The following CNOT1 variants were observed in gnomAD, a reference collection of about 807,000 sequenced individuals.
CNOT1 encodes CCR4-associated factor 1.
Under a neutral mutation model 273.8 loss-of-function variants are expected in CNOT1, and 15 were observed. The ratio of observed to expected loss-of-function variants is 0.05; its 90% CI spans 0.04 to 0.08. The LOEUF is 0.08. Among genes scored for constraint, CNOT1 ranks in the 10% least tolerant of loss-of-function variants. The pLI, the probability that CNOT1 is intolerant of heterozygous loss-of-function variation, is 1.00. For synonymous variants in CNOT1, 1,022 were observed against 1,005.5 expected (o/e 1.02, Z -0.31); for missense variants, 1,644 against 2,912.2 (o/e 0.56, Z 10.02).
chr16:58,611,695 T>A (rs2042906404), intron 1 of CNOT1, among the ~76,000 whole-genome samples: 1 of 147,920 alleles, frequency 6.8e-6, no homozygotes, highest in African/African-American at 2.5e-5. Context: ...GTGGCAGGCA[T>A]CTGCAGTCCC....
At chr16:58,539,466 T>TAA (rs151273299) in intron 35 of CNOT1, among the ~76,000 whole-genome samples, 1 of 145,578 alleles carries the variant, frequency 6.9e-6, no homozygotes, top group African/African-American at 2.5e-5. Flanking sequence ...CCCTGTCTCT[T>TAA]ACACACACAC....
At chr16:58,564,944 T>C (rs1038996719) in intron 16 of CNOT1, among the ~76,000 whole-genome samples, 2 of 152,012 alleles carry the variant, frequency 1.3e-5, no homozygotes, top group Admixed American at 1.3e-4. Flanking sequence ...CTCAAAAAAA[T>C]AAATAAATAA....
intron 34 of CNOT1, among the ~76,000 whole-genome samples, chr16:58,540,999 G>GT (rs1006295831): frequency 6.6e-6 from 1 of 152,316 alleles, no homozygotes; most frequent in South Asian, 2.1e-4. Flanking sequence ...GAGGTCAGCA[G>GT]TTTGAGTCTA....
chr16:58,543,138 A>T, intron 31 of CNOT1: 1 of 1,353,720 alleles, frequency 7.4e-7, no homozygotes, highest in East Asian at 3.3e-5. Context: ...AAAAATCATT[A>T]AAGCAGTAAA....
intron 1 of CNOT1, among the ~76,000 whole-genome samples, chr16:58,609,124 A>G (rs2042795523): frequency 6.6e-6 from 1 of 152,232 alleles, no homozygotes; most frequent in African/African-American, 2.4e-5. Context: ...CTGTAATCCC[A>G]GCACTTGGGG....
chr16:58,521,325 AAGGG>A lies in CNOT1; in HGVS notation c.6918-12_6918-9del, dbSNP rs773477847. 6.3e-6 allele frequency: 10 copies of A among 1,595,212 alleles called. No individual in the cohort carries two copies. Among genetic ancestry groups the A allele is most frequent in the African/African-American group, 1.4e-5 (1 of 73,476 alleles). ...AACCGTTCCAAGAGAACTCTGGAAA[AAGGG>A]AGAAAGAGCTAGTTAATGTATAGAA... is the stretch of plus-strand genomic sequence containing the variant. On this transcript the variant is annotated splice_polypyrimidine_tract_variant and intron_variant, in intron 47 of 48. Coordinates refer to ENST00000317147, the MANE Select transcript of CNOT1 (RefSeq NM_016284.5).
Position 58,578,692 on chromosome 16 carries a change from A to T in CNOT1, c.1584+7T>A. On this transcript the variant is annotated splice_region_variant and intron_variant, in intron 13 of 48. Coordinates refer to ENST00000317147, the MANE Select transcript of CNOT1 (RefSeq NM_016284.5). ...GAAAAAATGGTAAGCACACGGTCAC[A>T]TCTTACCTGCCCATGCCATGCATAG... 1.2e-6 allele frequency: 2 copies of T among 1,613,808 alleles called. No homozygotes were observed. The highest frequency in any genetic ancestry group is 1.7e-6 in the Non-Finnish European group (2 of 1,179,796).
chr16:58,599,593 T>C (rs2042390682), intron 1 of CNOT1, 82 bp from the exon 2 acceptor site: 2 of 496,990 alleles, frequency 4.0e-6, no homozygotes, highest in Non-Finnish European at 7.1e-6. Flanking sequence ...CAGTGGTGTT[T>C]ACAACTAATT....
At chr16:58,575,276 A>C in intron 14 of CNOT1, 147 bp from the exon 15 acceptor site, 1 of 1,167,726 alleles carries the variant, frequency 8.6e-7, no homozygotes, top group Non-Finnish European at 1.2e-6. Context: ...AGCTAAGCAC[A>C]ATTCAGGGGT....
At chr16:58,521,986 ACT>A (rs1295386686) in intron 47 of CNOT1, among the ~76,000 whole-genome samples, 1 of 151,322 alleles carries the variant, frequency 6.6e-6, no homozygotes, top group Non-Finnish European at 1.5e-5. Context: ...AAATAAGCTC[ACT>A]CTCAATAAAA....
intron 31 of CNOT1, chr16:58,543,145 TA>T: frequency 7.3e-7 from 1 of 1,373,336 alleles, no homozygotes; most frequent in Non-Finnish European, 9.4e-7. Flanking sequence ...ATTAAAGCAG[TA>T]AACAAATTAT....
intron 17 of CNOT1, chr16:58,559,933 T>G (rs777210607): frequency 6.8e-5 from 57 of 834,990 alleles, no homozygotes; most frequent in South Asian, 6.5e-4. Flanking sequence ...GCAGTGCTTA[T>G]GTCTCAAGAG....
intron 44 of CNOT1, among the ~76,000 whole-genome samples, chr16:58,526,511 T>TAAAAAAAAA (rs57367601): frequency 1.2e-5 from 1 of 80,812 alleles, no homozygotes; most frequent in African/African-American, 5.3e-5. Context: ...ACTTACTCCT[T>TAAAAAAAAA]AAAAAAAAAA....
At chr16:58,594,083 A>C (rs1400316525) in intron 2 of CNOT1, among the ~76,000 whole-genome samples, 1 of 152,092 alleles carries the variant, frequency 6.6e-6, no homozygotes, top group Non-Finnish European at 1.5e-5. Flanking sequence ...CGTCTCTACT[A>C]AAAATACAAA....
At chr16:58,571,389 G>A (rs2151958556) in intron 16 of CNOT1, among the ~76,000 whole-genome samples, 1 of 151,538 alleles carries the variant, frequency 6.6e-6, no homozygotes. Flanking sequence ...AACCCCATCT[G>A]TACTAAAAGT....
At chr16:58,598,250 T>G (rs746816307) in intron 2 of CNOT1, among the ~76,000 whole-genome samples, 1 of 151,860 alleles carries the variant, frequency 6.6e-6, no homozygotes, top group Non-Finnish European at 1.5e-5. Flanking sequence ...ATACAAAAAT[T>G]AGCCGAGCAT....
At chr16:58,528,272 TG>T (rs1006939604) in intron 44 of CNOT1, 3 of 611,968 alleles carry the variant, frequency 4.9e-6, no homozygotes, top group Admixed American at 5.6e-5. Context: ...AGAAAAATGC[TG>T]TGAACCAATA....
chr16:58,586,884 G>C (rs763140500), intron 6 of CNOT1, 136 bp from the exon 7 acceptor site: 2 of 1,071,400 alleles, frequency 1.9e-6, no homozygotes, highest in East Asian at 2.4e-5. Flanking sequence ...TTCTCTAGCT[G>C]ACAGGTATAA....
intron 43 of CNOT1, 72 bp downstream of exon 43, chr16:58,530,174 G>C (rs1157659014): frequency 1.6e-6 from 2 of 1,217,106 alleles, no homozygotes. Context: ...ACAAAATAAG[G>C]CCTCAGATTC....
Sources: allele counts gnomAD v4.1 joint callset (sites outside exome capture counted in the v4.1 genomes callset), GRCh38; gene constraint gnomAD v4.1.1; transcripts MANE v1.5; gene names NCBI Gene and HGNC (gene_info 2026-07-23, HGNC 2026-07-21).